The following CDH18 variants were observed in gnomAD, a reference collection of about 807,000 sequenced individuals.
CDH18 encodes the protein cadherin-18.
Under a neutral mutation model 67.9 loss-of-function variants are expected in CDH18, and 31 were observed. That is an observed-to-expected ratio of 0.46 (90% CI 0.34 to 0.62). The LOEUF (loss-of-function observed/expected upper bound fraction) is 0.62, where lower values mean the gene tolerates loss of function less well. Among genes scored for constraint, CDH18 ranks in the 20% least tolerant of loss-of-function variants. CDH18 has a pLI of 0.01. For missense variants in CDH18, 890 were observed against 975.5 expected (o/e 0.91, Z 1.17); for synonymous variants, 362 against 347.2 (o/e 1.04, Z -0.48).
chr5:20,115,471 G>T (rs905900011), intron 2 of CDH18, among the ~76,000 whole-genome samples: 1 of 151,380 alleles, frequency 6.6e-6, no homozygotes, highest in Non-Finnish European at 1.5e-5. Flanking sequence ...TAGAGACAGG[G>T]TTTCACCATG....
intron 2 of CDH18, among the ~76,000 whole-genome samples, chr5:20,113,061 T>C (rs538067244): frequency 6.6e-6 from 1 of 152,340 alleles, no homozygotes; most frequent in East Asian, 1.9e-4. Flanking sequence ...GACCCAGTTC[T>C]TTAGTTCTAA....
intron 1 of CDH18, among the ~76,000 whole-genome samples, chr5:20,318,943 C>A (rs1336087715): frequency 6.6e-6 from 1 of 152,088 alleles, no homozygotes; most frequent in South Asian, 2.1e-4. Flanking sequence ...CTATTTCCTA[C>A]AAGGTTCCCT....
rs142595573 is a variant in CDH18, at chr5:20,123,841, C to T, written c.-518+131603G>A. Among the ~76,000 whole-genome samples, 474 of 138,440 alleles carry T rather than the reference C, an allele frequency of 3.4e-3. 6 individuals are homozygous for T. The highest frequency in any genetic ancestry group is 0.013 in the African/African-American group (463 of 36,846). The allele number at this position is 138,440 out of a possible 152,430, so 90.8% of individuals were successfully genotyped here. On this transcript the variant is annotated intron_variant, in intron 2 of 14. Transcript: ENST00000507958. ...GGCGGAGCTTGCAGTGAGCTGAGAT[C>T]GTGCTACTGCACTCCAGCCTGGGAG... is the stretch of plus-strand genomic sequence containing the variant.
chr5:19,928,869 G>A (rs1228663317), intron 2 of CDH18, among the ~76,000 whole-genome samples: 1 of 152,072 alleles, frequency 6.6e-6, no homozygotes, highest in Non-Finnish European at 1.5e-5. Context: ...TCTTATAGAT[G>A]ATGACTAGCA....
chr5:19,556,875 AAAAC>A (rs1260029791), intron 8 of CDH18, among the ~76,000 whole-genome samples: 32 of 152,274 alleles, frequency 2.1e-4, no homozygotes, highest in Non-Finnish European at 3.8e-4. Context: ...AATGTGTGGA[AAAAC>A]AAACAAACAA....
chr5:19,762,858 T>C (rs1010754318), intron 3 of CDH18, among the ~76,000 whole-genome samples: 2 of 152,060 alleles, frequency 1.3e-5, no homozygotes, highest in African/African-American at 2.4e-5. Context: ...CAAATGTCCA[T>C]CAATGATAGA....
intron 2 of CDH18, among the ~76,000 whole-genome samples, chr5:20,208,559 A>G (rs925690265): frequency 6.6e-6 from 1 of 151,922 alleles, no homozygotes; most frequent in Admixed American, 6.6e-5. Flanking sequence ...TCACTGTATT[A>G]AAAAAAATGT....
At chr5:20,287,626 T>C (rs1248403811) in intron 1 of CDH18, among the ~76,000 whole-genome samples, 2 of 151,820 alleles carry the variant, frequency 1.3e-5, no homozygotes, top group Admixed American at 6.6e-5. Flanking sequence ...TCTAATGATA[T>C]GCTAGCAACA....
intron 7 of CDH18, among the ~76,000 whole-genome samples, chr5:19,574,755 A>T (rs75492805): frequency 5.3e-5 from 8 of 151,006 alleles, no homozygotes; most frequent in African/African-American, 2.0e-4. Context: ...AAAAAAAAAA[A>T]TCCCAGGTGA....
At chr5:19,910,420 T>A (rs902929587) in intron 2 of CDH18, among the ~76,000 whole-genome samples, 4 of 152,104 alleles carry the variant, frequency 2.6e-5, no homozygotes, top group Non-Finnish European at 5.9e-5. Flanking sequence ...TATGAACCGA[T>A]GTTGTGGAGA....
intron 4 of CDH18, among the ~76,000 whole-genome samples, chr5:19,735,035 G>A (rs1768120292): frequency 6.6e-6 from 1 of 152,128 alleles, no homozygotes; most frequent in African/African-American, 2.4e-5. Flanking sequence ...AAATGCTGCT[G>A]AGTCACTACC....
At chr5:19,829,263 A>G (rs1170633852) in intron 3 of CDH18, among the ~76,000 whole-genome samples, 1 of 152,160 alleles carries the variant, frequency 6.6e-6, no homozygotes, top group Non-Finnish European at 1.5e-5. Context: ...AAAGAGAGGA[A>G]GTCAAACTTT....
At chr5:20,386,395 A>G (rs777196854) in intron 1 of CDH18, among the ~76,000 whole-genome samples, 4 of 152,188 alleles carry the variant, frequency 2.6e-5, no homozygotes, top group Non-Finnish European at 4.4e-5. Flanking sequence ...CTGTAATGGC[A>G]TCTTTCTCAG....
intron 5 of CDH18, among the ~76,000 whole-genome samples, chr5:19,613,914 TAA>T (rs917348293): frequency 3.3e-5 from 5 of 152,132 alleles, no homozygotes; most frequent in African/African-American, 4.8e-5. Context: ...CCTTCAAACA[TAA>T]GTCATTTTTT....
At chr5:19,583,480 G>A (rs1011437950) in intron 7 of CDH18, among the ~76,000 whole-genome samples, 6 of 152,118 alleles carry the variant, frequency 3.9e-5, no homozygotes, top group African/African-American at 1.4e-4. Flanking sequence ...TATATACATT[G>A]TGTTGTAATA....
chr5:19,957,829 C>T (rs1043903544), intron 2 of CDH18, among the ~76,000 whole-genome samples: 1 of 119,608 alleles, frequency 8.4e-6, no homozygotes, highest in East Asian at 2.4e-4. Context: ...AAGGATTCTG[C>T]TGAGAAAATA....
intron 2 of CDH18, among the ~76,000 whole-genome samples, chr5:19,894,502 T>G (rs1911854): frequency 0.81 from 123,169 of 151,914 alleles, 51,406 homozygotes; most frequent in Non-Finnish European, 0.91. Flanking sequence ...TAAAAAAAAA[T>G]ATTTCTAAAT....
chr5:20,094,141 A>G (rs1167464882), intron 2 of CDH18, among the ~76,000 whole-genome samples: 1 of 152,182 alleles, frequency 6.6e-6, no homozygotes, highest in Non-Finnish European at 1.5e-5. Flanking sequence ...TAAATTAAGT[A>G]TCATCACAAT....
intron 3 of CDH18, among the ~76,000 whole-genome samples, chr5:19,766,484 G>C (rs1417617125): frequency 6.6e-6 from 1 of 152,046 alleles, no homozygotes; most frequent in Non-Finnish European, 1.5e-5. Flanking sequence ...TACTTATCCT[G>C]TAAGTGGTCT....
Sources: allele counts gnomAD v4.1 joint callset (sites outside exome capture counted in the v4.1 genomes callset), GRCh38; gene constraint gnomAD v4.1.1; transcripts MANE v1.5; gene names NCBI Gene and HGNC (gene_info 2026-07-23, HGNC 2026-07-21).